The following ACSM5 variants were observed in gnomAD, a reference collection of about 807,000 sequenced individuals.
The protein encoded by ACSM5 is acyl-coenzyme A synthetase ACSM5, mitochondrial.
In ACSM5, 56 loss-of-function variants were observed where a neutral mutation model predicts 71.6. The observed-to-expected ratio is 0.78, with a 90% CI of 0.63 to 0.98. ACSM5 has a LOEUF of 0.98. ACSM5 is among the 50% of genes least tolerant of loss of function. The pLI is 0.00. For synonymous variants in ACSM5, 285 were observed against 281.5 expected (o/e 1.01, Z -0.12); for missense variants, 723 against 726.0 (o/e 1.00, Z 0.05).
In ACSM5 at chr16:20,437,354, C is replaced by G. The variant is rs1416836018; in HGVS notation, c.1523C>G (p.Pro508Arg). Residue 508 changes from proline (P) to arginine (R), a missense_variant, in exon 12 of 14, where the codon CCC becomes CGC. By Grantham distance (103) the Pro-to-Arg change is moderately radical (BLOSUM62 -2). Transcript: ENST00000331849. ...TCGGCTGTGGTCAGCAGCCCAGACC[C>G]CATCAGGGGAGAGGTAACCAGTGCA... ...LESAVVSSPDPIRGEVVKAFI... is the reference protein window; with the variant it reads ...LESAVVSSPDRIRGEVVKAFI... 6.2e-7 allele frequency: 1 copy of G among 1,613,194 alleles called. No homozygotes were observed. Among genetic ancestry groups the G allele is most frequent in the Non-Finnish European group, 8.5e-7 (1 of 1,179,382 alleles).
chr16:20,411,443 T>C, intron 1 of ACSM5, 27 bp from the exon 2 acceptor site: 1 of 1,598,872 alleles, frequency 6.3e-7, no homozygotes, highest in Non-Finnish European at 8.5e-7. Flanking sequence ...TTTATGACAA[T>C]GCCCTCTTTC....
At chr16:20,425,150 C>T (rs1966953407) in intron 6 of ACSM5, among the ~76,000 whole-genome samples, 1 of 152,210 alleles carries the variant, frequency 6.6e-6, no homozygotes, top group Non-Finnish European at 1.5e-5. Context: ...CCCCCGACTA[C>T]CCTTCCCAGC....
intron 10 of ACSM5, among the ~76,000 whole-genome samples, chr16:20,434,285 T>C (rs1339594436): frequency 6.6e-6 from 1 of 152,240 alleles, no homozygotes; most frequent in East Asian, 1.9e-4. Flanking sequence ...CTGTGGTTGA[T>C]GTATGCATGA....
intron 5 of ACSM5, among the ~76,000 whole-genome samples, chr16:20,421,905 A>G (rs1418621515): frequency 1.3e-5 from 2 of 150,946 alleles, no homozygotes; most frequent in African/African-American, 4.9e-5. Flanking sequence ...TTTACTTTTC[A>G]TCTCTGTGAA....
chr16:20,411,414 T>C, intron 1 of ACSM5, 56 bp from the exon 2 acceptor site: 1 of 1,477,834 alleles, frequency 6.8e-7, no homozygotes, highest in East Asian at 2.4e-5. Flanking sequence ...AACCTATGTG[T>C]TGTCCCCAAA....
At chr16:20,421,797 C>T (rs113338343) in intron 5 of ACSM5, among the ~76,000 whole-genome samples, 6,744 of 151,676 alleles carry the variant, frequency 0.044, 160 homozygotes, top group South Asian at 0.061. Context: ...AATCACCATC[C>T]ATTTCCAGAA....
chr16:20,434,136 TA>T (rs1227679247), intron 10 of ACSM5, among the ~76,000 whole-genome samples: 5 of 152,208 alleles, frequency 3.3e-5, no homozygotes, highest in Non-Finnish European at 7.3e-5. Flanking sequence ...ATCAAATCAT[TA>T]AGTTTTTAAA....
intron 4 of ACSM5, 91 bp downstream of exon 4, chr16:20,419,526 G>A: frequency 7.7e-7 from 1 of 1,295,762 alleles, no homozygotes; most frequent in South Asian, 1.3e-5. Flanking sequence ...TCCACACATA[G>A]AGAGCGAATC....
In ACSM5 at chr16:20,437,159, C is replaced by G. The variant is rs747567207; in HGVS notation, c.1416C>G (p.Asp472Glu). 1.9e-6 allele frequency: 3 copies of G among 1,614,028 alleles called. No individual in the cohort carries two copies. Among genetic ancestry groups the G allele is most frequent in the Non-Finnish European group, 2.5e-6 (3 of 1,180,006 alleles). ...DGYFWFMGRN[D>E]DVINSSSYRI... ...ACTTTTGGTTCATGGGAAGAAACGA[C>G]GATGTGATCAATTCTTCAAGGTCAA... Residue 472 changes from aspartate (D) to glutamate (E), a missense_variant, in exon 11 of 14, where the codon GAC (aspartate) becomes GAG (glutamate). Asp to Glu is a conservative substitution (Grantham distance 45, BLOSUM62 2). Transcript: ENST00000331849.
chr16:20,411,587 A>G lies in ACSM5; in HGVS notation c.103A>G (p.Ile35Val), dbSNP rs775658510. The change falls in exon 2 of 14, where the codon ATC (isoleucine) becomes GTC (valine). Residue 35 changes from isoleucine to valine, a missense_variant. Coordinates refer to ENST00000331849, the MANE Select transcript of ACSM5 (RefSeq NM_017888.3). ...KPAPLPVPQK[I>V]VATWEAISLG... The stretch of plus-strand genomic sequence containing the variant: ...AGCACCTCTACCTGTTCCTCAGAAG[A>G]TCGTGGCCACCTGGGAAGCCATCAG... The G allele has an allele frequency of 9.3e-6, 15 of 1,614,030 alleles. No individual in the cohort carries two copies. The Admixed American group carries it at 2.2e-4, about 23-fold the overall frequency.
rs139695729 is a variant in ACSM5 at position 20,429,730 on chromosome 16, C to T, written c.1054C>T (p.Pro352Ser). Reference protein sequence around the residue: ...HCLTGGEALNPDVREKWKHQT... With the variant: ...HCLTGGEALNSDVREKWKHQT... ...TCTGACCGGAGGAGAGGCCCTCAACCCTGACGTGAGGGAGAAGTGGAAACA... is the reference window on the plus strand; with the variant it reads ...TCTGACCGGAGGAGAGGCCCTCAACTCTGACGTGAGGGAGAAGTGGAAACA... Residue 352 changes from proline (P) to serine (S), a missense_variant, in exon 8 of 14, where the codon CCT (proline) becomes TCT (serine). Pro to Ser is a moderately conservative substitution (Grantham distance 74). Transcript: ENST00000331849. The T allele has an allele frequency of 2.0e-3, 3,238 of 1,613,534 alleles. 58 individuals are homozygous for T. The African/African-American group carries it at 0.034, about 17-fold the overall frequency.
In ACSM5 at chr16:20,424,115, G is replaced by A; in HGVS notation, c.921+46G>A. 1.9e-6 allele frequency: 3 copies of A among 1,602,984 alleles called. No homozygotes were observed. In the South Asian group the frequency reaches 3.3e-5, roughly 18 times the overall value. On this transcript the variant is annotated intron_variant, in intron 6 of 13. Transcript: ENST00000331849. ...TACCCCATATGTGTTGGGTACAAATGAGATGAGTGGGATATAGATTTCAGA... is the reference window on the plus strand; with the variant it reads ...TACCCCATATGTGTTGGGTACAAATAAGATGAGTGGGATATAGATTTCAGA...
intron 2 of ACSM5, among the ~76,000 whole-genome samples, chr16:20,416,244 G>C (rs112256380): frequency 0.044 from 6,575 of 148,772 alleles, 154 homozygotes; most frequent in South Asian, 0.059. Context: ...TCAAAAACTC[G>C]TATGGAAATG....
At chr16:20,415,435 T>C (rs935662770) in intron 2 of ACSM5, among the ~76,000 whole-genome samples, 2 of 152,182 alleles carry the variant, frequency 1.3e-5, no homozygotes, top group African/African-American at 4.8e-5. Flanking sequence ...CTGGAAAAGA[T>C]CTGTGGAGGA....
At chr16:20,418,473 C>T (rs924214245) in intron 3 of ACSM5, among the ~76,000 whole-genome samples, 3 of 152,146 alleles carry the variant, frequency 2.0e-5, no homozygotes, top group Non-Finnish European at 4.4e-5. Context: ...CAGTGCAAGG[C>T]AGTAGGGAGT....
chr16:20,419,431 C>T lies in ACSM5; in HGVS notation c.619C>T (p.Leu207Phe). 1 of 1,614,090 alleles carries T rather than the reference C, an allele frequency of 6.2e-7. No homozygotes were observed. The highest frequency in any genetic ancestry group is 8.5e-7 in the Non-Finnish European group (1 of 1,179,952). The change falls in exon 4 of 14, where the codon CTC becomes TTC. Residue 207 changes from leucine to phenylalanine, a missense_variant. Leu to Phe is a conservative substitution (Grantham distance 22). Coordinates refer to ENST00000331849, the MANE Select transcript of ACSM5 (RefSeq NM_017888.3). ...AGGCTGGTTGAACTTCAGGGAACTC[C>T]TCCGGTGAATTGGGGCTCTCCAGAA... Reference protein sequence around the residue: ...RPGWLNFRELLREASTEHNCM... With the variant: ...RPGWLNFRELFREASTEHNCM...
intron 4 of ACSM5, chr16:20,419,718 A>C: frequency 2.1e-6 from 1 of 469,648 alleles, no homozygotes; most frequent in Non-Finnish European, 3.9e-6. Context: ...GAAATAACCA[A>C]TATGGTGCAT....
chr16:20,426,186 T>C (rs1168331026), intron 6 of ACSM5, among the ~76,000 whole-genome samples: 5 of 152,212 alleles, frequency 3.3e-5, no homozygotes, highest in Non-Finnish European at 7.4e-5. Flanking sequence ...CCCATATTGA[T>C]TGTTATCATC....
chr16:20,429,607 G>A, intron 7 of ACSM5, 71 bp from the exon 8 acceptor site: 1 of 1,600,198 alleles, frequency 6.2e-7, no homozygotes, highest in South Asian at 1.1e-5. Flanking sequence ...TTGCATCTGG[G>A]CAGTGGCACC....
Sources: gnomAD v4.1 joint callset for allele counts (sites outside exome capture counted in the v4.1 genomes callset) on GRCh38, gnomAD v4.1.1 for gene constraint, MANE v1.5 for transcripts, NCBI Gene and HGNC (gene_info 2026-07-23, HGNC 2026-07-21) for gene names.